SLC37A1: variants seen among roughly 807,000 people sequenced by gnomAD.
The protein encoded by SLC37A1 is solute carrier family 37 member 1.
A neutral mutation model predicts 75.3 loss-of-function variants in SLC37A1; 49 were observed. That is an observed-to-expected ratio of 0.65 (90% CI 0.52 to 0.83). The LOEUF is 0.83. Ranked by LOEUF, SLC37A1 falls within the 40% of genes least tolerant of loss-of-function variation. SLC37A1 has a pLI of 0.00. For missense variants in SLC37A1, 566 were observed against 695.0 expected, an observed-to-expected ratio of 0.81 and a Z score of 2.09; for synonymous variants, 268 against 292.1, an observed-to-expected ratio of 0.92 and a Z score of 0.84.
At chr21:42,554,982 GTT>G (rs57783969) in intron 10 of SLC37A1, among the ~76,000 whole-genome samples, 9,709 of 116,536 alleles carry the variant, frequency 0.083, 1,163 homozygotes, top group African/African-American at 0.28. Context: ...TTGGTTGGTT[GTT>G]TTTTTTTTTT....
In SLC37A1 at chr21:42,565,859, G is replaced by T. The variant is rs368883228; in HGVS notation, c.1254G>T (p.Gly418=). 2.1e-5 allele frequency: 34 copies of T among 1,613,950 alleles called. No individual in the cohort carries two copies. The Admixed American group carries it at 4.5e-4, about 21-fold the overall frequency. The change falls in exon 15 of 20, where the codon GGG becomes GGT. Residue 418 remains glycine, a synonymous_variant. Transcript: ENST00000352133. ...TCTTCTCCACCGTCAGCAAGATGGG[G>T]CTTGAGGCCACCATCGGTGAGTATG... The part of the protein sequence containing the change: ...LYIFSTVSKM[G]LEATIAMLLL...
chr21:42,547,119 G>A lies in SLC37A1; in HGVS notation c.747G>A (p.Arg249=). The change falls in exon 9 of 20, where the codon AGG becomes AGA. Residue 249 remains arginine, a synonymous_variant. Coordinates refer to ENST00000352133, the MANE Select transcript of SLC37A1 (RefSeq NM_001320537.2). This position sits in a 1 kb window ranked among gnomAD's most constrained non-coding sequence, Gnocchi z 6.1. ...LFLIEHPNDV[R]CSSTLVTHSK... ...CTCTTTCAGATCCGAACGACGTCAG[G>A]TGCTCCTCCACCCTGGTGACGGTAA... The A allele has an allele frequency of 6.2e-7, 1 of 1,614,132 alleles. No individual in the cohort carries two copies. The highest frequency in any genetic ancestry group is 2.2e-5 in the East Asian group (1 of 44,888).
intron 18 of SLC37A1, among the ~76,000 whole-genome samples, chr21:42,577,753 G>A (rs1013402912): frequency 1.4e-4 from 21 of 152,232 alleles, no homozygotes; most frequent in African/African-American, 5.1e-4. Flanking sequence ...CATCAGTTAG[G>A]AGCAGAGATT....
At chr21:42,554,839 G>A (rs1005661586) in intron 10 of SLC37A1, among the ~76,000 whole-genome samples, 1 of 152,112 alleles carries the variant, frequency 6.6e-6, no homozygotes, top group Non-Finnish European at 1.5e-5. Context: ...TCCCATCATT[G>A]ATCCTTGTAG....
intron 17 of SLC37A1, among the ~76,000 whole-genome samples, chr21:42,573,704 C>T (rs1366365062): frequency 6.6e-6 from 1 of 152,038 alleles, no homozygotes; most frequent in Non-Finnish European, 1.5e-5. Context: ...ATGAAAGACC[C>T]TGGTTATCTT....
At position 42,580,438 on chromosome 21, in the gene SLC37A1, C is replaced by A; in HGVS notation, c.*78C>A. 1.3e-6 allele frequency: 2 copies of A among 1,505,750 alleles called. No individual in the cohort carries two copies. The highest frequency in any genetic ancestry group is 2.5e-5 in the South Asian group (2 of 81,008). 93.3% of individuals were successfully genotyped at this position (1,505,750 alleles called of 1,614,324 possible). ...TTTCAAGGACAGTTCAGACAAAGGG[C>A]CCTGCATGGAAAGAGTGACCTCCCT... On this transcript the variant is annotated 3_prime_UTR_variant, in exon 20 of 20. Coordinates refer to ENST00000352133, the MANE Select transcript of SLC37A1 (RefSeq NM_001320537.2).
At chr21:42,565,692 C>T (rs556941501) in intron 14 of SLC37A1, 135 bp from the exon 15 acceptor site, 50 of 746,746 alleles carry the variant, frequency 6.7e-5, no homozygotes, top group South Asian at 1.0e-4. Context: ...GTGGCCGTCA[C>T]GCTTTTTTAG....
intron 1 of SLC37A1, among the ~76,000 whole-genome samples, chr21:42,501,010 A>C (rs2054336183): frequency 6.6e-6 from 1 of 152,380 alleles, no homozygotes; most frequent in South Asian, 2.1e-4. Flanking sequence ...CATCAAAACC[A>C]GTAGGGAAAA....
At chr21:42,533,447 A>G (rs1488343068) in intron 3 of SLC37A1, among the ~76,000 whole-genome samples, 1 of 152,178 alleles carries the variant, frequency 6.6e-6, no homozygotes, top group Non-Finnish European at 1.5e-5. Flanking sequence ...ACAGTCACAG[A>G]GCACATTCTG....
Position 42,568,411 on chromosome 21 carries a change from GC to G in SLC37A1, c.1398del (p.Ile467SerfsTer8). Reference protein sequence around the residue: ...GNAHALSTVTAIIDGTGSVGA... With the variant: ...GNAHALSTVTXIIDGTGSVGA... ...CGCGCACGCCCTCTCCACCGTGACGGCCATCATTGACGGGACGGGCTCTGTA... is the reference window on the plus strand; with the variant it reads ...CGCGCACGCCCTCTCCACCGTGACGGCATCATTGACGGGACGGGCTCTGTA... On this transcript the variant is annotated frameshift_variant, in exon 17 of 20. Coordinates refer to ENST00000352133, the MANE Select transcript of SLC37A1 (RefSeq NM_001320537.2). LOFTEE classifies it high-confidence loss of function. The G allele has an allele frequency of 6.2e-7, 1 of 1,614,096 alleles. No homozygotes were observed. The highest frequency in any genetic ancestry group is 8.5e-7 in the Non-Finnish European group (1 of 1,179,992).
At chr21:42,565,993 T>C in intron 15 of SLC37A1, 118 bp downstream of exon 15, 1 of 1,026,834 alleles carries the variant, frequency 9.7e-7, no homozygotes, top group Non-Finnish European at 1.4e-6. Flanking sequence ...GAGCACATGG[T>C]GTGGCTAAAA....
At chr21:42,527,225 G>C (rs2054819252) in intron 3 of SLC37A1, among the ~76,000 whole-genome samples, 1 of 152,200 alleles carries the variant, frequency 6.6e-6, no homozygotes, top group African/African-American at 2.4e-5. Context: ...TGGGCTGGGG[G>C]GCTGTTGGGG....
At chr21:42,561,873 CG>C in intron 11 of SLC37A1, 3 of 525,440 alleles carry the variant, frequency 5.7e-6, no homozygotes, top group Non-Finnish European at 1.0e-5. Context: ...TGCCCCTGCT[CG>C]GGGTGAGCGC....
intron 2 of SLC37A1, among the ~76,000 whole-genome samples, chr21:42,508,064 A>G (rs1468496977): frequency 6.6e-6 from 1 of 151,548 alleles, no homozygotes; most frequent in African/African-American, 2.4e-5. Context: ...TTTAAAGAAC[A>G]GCCCCTTGAT....
intron 1 of SLC37A1, 86 bp from the exon 2 acceptor site, chr21:42,518,191 G>A (rs2054559184): frequency 4.1e-6 from 2 of 493,746 alleles, no homozygotes; most frequent in African/African-American, 2.0e-5. Context: ...TACTGCTACT[G>A]TACGTGTGTG....
At chr21:42,530,189 A>G (rs1362866967) in intron 3 of SLC37A1, among the ~76,000 whole-genome samples, 8 of 152,220 alleles carry the variant, frequency 5.3e-5, no homozygotes, top group Non-Finnish European at 1.2e-4. Flanking sequence ...CATTTCCAGG[A>G]GGTACTTTGA....
At chr21:42,558,657 A>G (rs1209294755) in intron 10 of SLC37A1, among the ~76,000 whole-genome samples, 1 of 152,110 alleles carries the variant, frequency 6.6e-6, no homozygotes, top group Non-Finnish European at 1.5e-5. Flanking sequence ...ATTTTTTCTC[A>G]ATGATGATGT....
chr21:42,575,561 A>T, intron 18 of SLC37A1: 1 of 985,372 alleles, frequency 1.0e-6, no homozygotes, highest in Non-Finnish European at 1.2e-6. Context: ...ACCAGTGATG[A>T]TGTCACAGTC....
At chr21:42,574,025 A>ACACACACACATG (rs1016792229) in intron 17 of SLC37A1, among the ~76,000 whole-genome samples, 1 of 152,008 alleles carries the variant, frequency 6.6e-6, no homozygotes. Flanking sequence ...CCGTGTTTTT[A>ACACACACACATG]CACACACACA....
Sources: gnomAD v4.1 joint callset for allele counts (sites outside exome capture counted in the v4.1 genomes callset) on GRCh38, gnomAD v4.1.1 for gene constraint, Gnocchi (gnomAD v3.1) non-coding constraint, MANE v1.5 for transcripts, NCBI Gene and HGNC (gene_info 2026-07-23, HGNC 2026-07-21) for gene names.